LRRTM4: variants seen among roughly 807,000 people sequenced by gnomAD.
LRRTM4 encodes the protein leucine rich repeat transmembrane neuronal 4.
In LRRTM4, 25 loss-of-function variants were observed where a neutral mutation model predicts 47.6. That is an observed-to-expected ratio of 0.53 (90% confidence interval 0.38 to 0.73). LRRTM4 has a LOEUF of 0.73. Ranked by LOEUF, LRRTM4 falls within the 30% of genes least tolerant of loss-of-function variation. LRRTM4 has a pLI of 0.00. For synonymous variants in LRRTM4, 311 were observed against 269.5 expected (o/e 1.15, Z -1.51); for missense variants, 638 against 713.4 (o/e 0.89, Z 1.20).
At chr2:76,897,613 G>A (rs1929456) in intron 3 of LRRTM4, among the ~76,000 whole-genome samples, 43,057 of 151,990 alleles carry the variant, frequency 0.28, 6,805 homozygotes, top group African/African-American at 0.42. Flanking sequence ...AAAGGTAGCC[G>A]TTATAGCTGT....
chr2:77,085,694 C>G (rs576137364), intron 3 of LRRTM4, among the ~76,000 whole-genome samples: 1 of 152,074 alleles, frequency 6.6e-6, no homozygotes, highest in African/African-American at 2.4e-5. Context: ...ACAGAACAAT[C>G]GAATCATTGT....
chr2:77,340,887 CA>C (rs1228310532), intron 3 of LRRTM4, among the ~76,000 whole-genome samples: 1 of 151,906 alleles, frequency 6.6e-6, no homozygotes, highest in Non-Finnish European at 1.5e-5. Flanking sequence ...AGAGTATAGA[CA>C]GAAAATTTAA....
chr2:77,079,282 G>A (rs1402855991), intron 3 of LRRTM4, among the ~76,000 whole-genome samples: 1 of 152,194 alleles, frequency 6.6e-6, no homozygotes, highest in Non-Finnish European at 1.5e-5. Flanking sequence ...ATGAAGTCTT[G>A]CGTGGGAATT....
At chr2:77,264,309 A>T (rs1675994657) in intron 3 of LRRTM4, among the ~76,000 whole-genome samples, 1 of 143,652 alleles carries the variant, frequency 7.0e-6, no homozygotes, top group African/African-American at 3.0e-5. Context: ...AAAGCGAGAG[A>T]GAGGGAGAGA....
intron 3 of LRRTM4, among the ~76,000 whole-genome samples, chr2:77,496,511 T>C (rs1678369957): frequency 6.6e-6 from 1 of 151,838 alleles, no homozygotes; most frequent in Non-Finnish European, 1.5e-5. Flanking sequence ...GCTATTCCTA[T>C]TTTGCTGAAT....
chr2:77,323,516 G>C (rs1573252888), intron 3 of LRRTM4, among the ~76,000 whole-genome samples: 1 of 152,036 alleles, frequency 6.6e-6, no homozygotes, highest in Admixed American at 6.6e-5. Context: ...TAGCTTTCCT[G>C]CTGCTTGAAA....
chr2:77,172,608 A>T (rs1018824723), intron 3 of LRRTM4, among the ~76,000 whole-genome samples: 15 of 151,562 alleles, frequency 9.9e-5, no homozygotes, highest in Middle Eastern at 3.4e-3. Context: ...CATAAAAAAA[A>T]AAATAAAAAT....
At chr2:77,124,075 CT>C (rs148954439) in intron 3 of LRRTM4, among the ~76,000 whole-genome samples, 4,695 of 152,114 alleles carry the variant, frequency 0.031, 240 homozygotes, top group African/African-American at 0.11. Flanking sequence ...ACTCATTTTT[CT>C]AGTCATAGCC....
At chr2:77,115,785 C>G (rs1328233866) in intron 3 of LRRTM4, among the ~76,000 whole-genome samples, 1 of 152,182 alleles carries the variant, frequency 6.6e-6, no homozygotes, top group Admixed American at 6.5e-5. Context: ...TATCTATAGA[C>G]TTCCTTGACA....
At chr2:76,910,716 C>T (rs1186675288) in intron 3 of LRRTM4, among the ~76,000 whole-genome samples, 1 of 152,182 alleles carries the variant, frequency 6.6e-6, no homozygotes, top group Admixed American at 6.6e-5. Context: ...GATGGTCACT[C>T]ATTCAGAAAC....
rs368574951 is a variant in LRRTM4, at chr2:77,351,483, A to G, written c.1551+166835T>C. On this transcript the variant is annotated intron_variant, in intron 3 of 3. Coordinates refer to ENST00000409884, the MANE Select transcript of LRRTM4 (RefSeq NM_001134745.3). ...CAGTAGGATAGTTGAAAACCTTATG[A>G]TACATCTGATCCATGGAATATTAAA... Among the ~76,000 whole-genome samples, 54 of 151,994 alleles carry G rather than the reference A, an allele frequency of 3.6e-4. No individual in the cohort carries two copies. The East Asian group carries it at 7.3e-3, about 21-fold the overall frequency.
chr2:77,280,336 T>C (rs1676476051), intron 3 of LRRTM4, among the ~76,000 whole-genome samples: 1 of 152,032 alleles, frequency 6.6e-6, no homozygotes. Context: ...GATCTGAGTT[T>C]GACTTCAAAA....
chr2:76,918,465 T>C (rs569759976), intron 3 of LRRTM4, among the ~76,000 whole-genome samples: 7 of 152,308 alleles, frequency 4.6e-5, no homozygotes, highest in Admixed American at 2.0e-4. Context: ...TAAGATACAT[T>C]TGTCTAATAG....
intron 3 of LRRTM4, among the ~76,000 whole-genome samples, chr2:77,211,635 T>A (rs1674296256): frequency 1.3e-5 from 2 of 152,158 alleles, no homozygotes; most frequent in African/African-American, 4.8e-5. Flanking sequence ...AGCCTATCAC[T>A]ACCCTTTTCA....
chr2:77,277,825 A>G (rs1676402661), intron 3 of LRRTM4, among the ~76,000 whole-genome samples: 1 of 152,066 alleles, frequency 6.6e-6, no homozygotes, highest in Admixed American at 6.6e-5. Context: ...AATGTCACTG[A>G]GTACTTTTTA....
At chr2:77,051,778 T>G (rs545070298) in intron 3 of LRRTM4, among the ~76,000 whole-genome samples, 11 of 152,278 alleles carry the variant, frequency 7.2e-5, no homozygotes, top group African/African-American at 2.4e-4. Context: ...ATTTGCAACT[T>G]GAGCACCTGA....
chr2:77,136,397 C>T (rs530510215), intron 3 of LRRTM4, among the ~76,000 whole-genome samples: 1 of 152,302 alleles, frequency 6.6e-6, no homozygotes, highest in South Asian at 2.1e-4. Context: ...CAAACTCCAC[C>T]AGACCTGCAT....
chr2:77,174,794 C>T (rs186361171), intron 3 of LRRTM4, among the ~76,000 whole-genome samples: 20 of 152,118 alleles, frequency 1.3e-4, no homozygotes, highest in African/African-American at 3.6e-4. Flanking sequence ...TATCCCTCCC[C>T]CCTCGCCCCA....
At chr2:77,247,365 C>A (rs932155586) in intron 3 of LRRTM4, among the ~76,000 whole-genome samples, 3 of 152,086 alleles carry the variant, frequency 2.0e-5, no homozygotes, top group Non-Finnish European at 4.4e-5. Context: ...TGAAGGATCA[C>A]AAAACCACAC....
Sources: allele counts gnomAD v4.1 joint callset (sites outside exome capture counted in the v4.1 genomes callset), GRCh38; gene constraint gnomAD v4.1.1; transcripts MANE v1.5; gene names NCBI Gene and HGNC (gene_info 2026-07-23, HGNC 2026-07-21).